Variants in GTF2B observed in about 807,000 individuals in gnomAD.
GTF2B encodes general transcription factor IIB.
GTF2B carries 20 observed loss-of-function variants against 34.6 expected under a neutral mutation model. That is an observed-to-expected ratio of 0.58 (90% CI 0.41 to 0.84). The LOEUF (loss-of-function observed/expected upper bound fraction) is 0.84, where lower values mean the gene tolerates loss of function less well. Among genes scored for constraint, GTF2B ranks in the 40% least tolerant of loss-of-function variants. The pLI is 0.00. For missense variants in GTF2B, 237 were observed against 393.3 expected (o/e 0.60, Z 3.36); for synonymous variants, 142 against 132.4 (o/e 1.07, Z -0.50).
chr1:88,860,421 A>G (rs1673407901), intron 3 of GTF2B, 135 bp from the exon 4 acceptor site: 1 of 617,552 alleles, frequency 1.6e-6, no homozygotes, highest in South Asian at 2.1e-5. Flanking sequence ...GCTCATCTAT[A>G]CTAAATGAAC....
At chr1:88,871,146 C>T (rs1042765311) in intron 2 of GTF2B, among the ~76,000 whole-genome samples, 11 of 152,124 alleles carry the variant, frequency 7.2e-5, no homozygotes, top group Admixed American at 4.6e-4. Context: ...ATGTTATCCG[C>T]AAACATTGGC....
chr1:88,870,229 A>G (rs1213914799), intron 2 of GTF2B, among the ~76,000 whole-genome samples: 2 of 152,222 alleles, frequency 1.3e-5, no homozygotes, highest in Non-Finnish European at 2.9e-5. Flanking sequence ...CCAGGCTGCC[A>G]AAATGACTTC....
chr1:88,878,148 T>C (rs1001319148), intron 2 of GTF2B, among the ~76,000 whole-genome samples: 2 of 152,068 alleles, frequency 1.3e-5, no homozygotes, highest in Non-Finnish European at 2.9e-5. Flanking sequence ...TGTGTGCCTG[T>C]AGTCCCAGCT....
At chr1:88,856,272 C>CAAAAAACAAA (rs1673303138) in intron 6 of GTF2B, among the ~76,000 whole-genome samples, 1 of 50,040 alleles carries the variant, frequency 2.0e-5, no homozygotes, top group African/African-American at 8.9e-5. Flanking sequence ...GTTTCAAAAA[C>CAAAAAACAAA]AAAAAAAAAA....
chr1:88,863,077 G>A (rs1312913783), intron 3 of GTF2B, among the ~76,000 whole-genome samples: 1 of 151,966 alleles, frequency 6.6e-6, no homozygotes, highest in Non-Finnish European at 1.5e-5. Context: ...GGATAACAGA[G>A]TGAGAATCAG....
intron 2 of GTF2B, among the ~76,000 whole-genome samples, chr1:88,864,965 G>A (rs1015426652): frequency 6.6e-6 from 1 of 151,866 alleles, no homozygotes; most frequent in Non-Finnish European, 1.5e-5. Context: ...GCACATCAGA[G>A]TTTGTTCTAC....
chr1:88,875,884 T>C (rs979656474), intron 2 of GTF2B, among the ~76,000 whole-genome samples: 10 of 152,188 alleles, frequency 6.6e-5, no homozygotes, highest in Admixed American at 2.0e-4. Flanking sequence ...TTAAGTCCCA[T>C]AGACCTGGAT....
At chr1:88,886,417 A>C (rs1674069408) in intron 2 of GTF2B, among the ~76,000 whole-genome samples, 1 of 152,224 alleles carries the variant, frequency 6.6e-6, no homozygotes, top group Non-Finnish European at 1.5e-5. Flanking sequence ...CTGCATATCT[A>C]GATTAGTGTG....
intron 2 of GTF2B, among the ~76,000 whole-genome samples, chr1:88,869,431 GCAA>G (rs1170103953): frequency 2.0e-5 from 3 of 152,102 alleles, no homozygotes; most frequent in Non-Finnish European, 2.9e-5. Flanking sequence ...ACTGATATAT[GCAA>G]CAACAAATAT....
At chr1:88,890,694 A>T (rs1674179168) in intron 1 of GTF2B, among the ~76,000 whole-genome samples, 1 of 152,212 alleles carries the variant, frequency 6.6e-6, no homozygotes, top group East Asian at 1.9e-4. Context: ...AGTGGTAATG[A>T]GAGACATAAT....
chr1:88,880,693 T>C (rs1253103301), intron 2 of GTF2B, among the ~76,000 whole-genome samples: 1 of 152,120 alleles, frequency 6.6e-6, no homozygotes, highest in Non-Finnish European at 1.5e-5. Context: ...TAAGTTAATG[T>C]ACCTGAGTAC....
At chr1:88,885,365 G>A (rs1674041590) in intron 2 of GTF2B, among the ~76,000 whole-genome samples, 3 of 152,020 alleles carry the variant, frequency 2.0e-5, no homozygotes, top group Admixed American at 1.3e-4. Flanking sequence ...ACTTGAAACT[G>A]GAAGGCAGAG....
intron 6 of GTF2B, among the ~76,000 whole-genome samples, chr1:88,856,277 A>AAAAAAC (rs1673305695): frequency 7.9e-6 from 1 of 126,802 alleles, no homozygotes; most frequent in Non-Finnish European, 1.7e-5. Flanking sequence ...AAAAACAAAA[A>AAAAAAC]AAAAAAAAAA....
Position 88,891,495 on chromosome 1 carries a change from G to A in GTF2B, c.5C>T (p.Ala2Val). Residue 2 changes from alanine to valine, a missense_variant, in exon 1 of 7, where the codon GCG becomes GTG. This residue lies in a region of GTF2B where 130 missense variants were observed against 170.9 expected (regional missense o/e 0.76). Transcript: ENST00000370500. M[A>V]STSRLDALPR... ...GGGACATACTAACCGGCTGGTAGAC[G>A]CCATCTTCACGGCGACTGCGGTGCC... is the stretch of plus-strand genomic sequence containing the variant. 1 of 1,601,666 alleles carries A rather than the reference G, an allele frequency of 6.2e-7. No homozygotes were observed. The highest frequency in any genetic ancestry group is 8.5e-7 in the Non-Finnish European group (1 of 1,173,706).
intron 6 of GTF2B, among the ~76,000 whole-genome samples, chr1:88,855,691 T>G: frequency 6.6e-6 from 1 of 151,928 alleles, no homozygotes; most frequent in Non-Finnish European, 1.5e-5. Flanking sequence ...CCTCACTCCA[T>G]CAACCCAGGC....
chr1:88,855,886 A>G (rs1016415401), intron 6 of GTF2B, among the ~76,000 whole-genome samples: 8 of 152,222 alleles, frequency 5.3e-5, no homozygotes, highest in African/African-American at 1.4e-4. Flanking sequence ...CACCGCACCT[A>G]GTTTATGAAT....
intron 2 of GTF2B, among the ~76,000 whole-genome samples, chr1:88,868,737 ATTC>A (rs1673614942): frequency 2.0e-5 from 1 of 49,292 alleles, no homozygotes; most frequent in Non-Finnish European, 4.2e-5. Context: ...GTATCTGTGT[ATTC>A]TTTTTTTTTT....
At chr1:88,882,205 T>C (rs967927970) in intron 2 of GTF2B, among the ~76,000 whole-genome samples, 9 of 147,826 alleles carry the variant, frequency 6.1e-5, no homozygotes, top group African/African-American at 2.3e-4. Flanking sequence ...AGGTACTCAG[T>C]AGGCTGAAGT....
intron 1 of GTF2B, among the ~76,000 whole-genome samples, chr1:88,888,750 A>G (rs1674129914): frequency 2.0e-5 from 3 of 152,224 alleles, no homozygotes; most frequent in African/African-American, 7.2e-5. Context: ...TGAACTAACC[A>G]TACACCATAA....
Sources: gnomAD v4.1 joint callset for allele counts (sites outside exome capture counted in the v4.1 genomes callset) on GRCh38, gnomAD v4.1.1 for gene constraint, gnomAD v4.1.1 regional missense constraint, MANE v1.5 for transcripts, NCBI Gene and HGNC (gene_info 2026-07-23, HGNC 2026-07-21) for gene names.